OXSR1: variants seen among roughly 807,000 people sequenced by gnomAD.
The protein encoded by OXSR1 is oxidative stress responsive kinase 1.
Under a neutral mutation model 79.8 loss-of-function variants are expected in OXSR1, and 24 were observed. The ratio of observed to expected loss-of-function variants is 0.30; its 90% confidence interval spans 0.22 to 0.42. The LOEUF is 0.42. OXSR1 is among the 10% of genes least tolerant of loss of function. The pLI is 1.00. For missense variants in OXSR1, 430 were observed against 618.4 expected (o/e 0.70, Z 3.23); for synonymous variants, 226 against 209.2 (o/e 1.08, Z -0.69).
intron 5 of OXSR1, 131 bp from the exon 6 acceptor site, chr3:38,221,447 G>A (rs1042882955): frequency 1.8e-6 from 1 of 561,916 alleles, no homozygotes; most frequent in Non-Finnish European, 3.2e-6. Flanking sequence ...TAGTCAAGAA[G>A]TTCAGCAAAA....
chr3:38,181,828 A>AT (rs369042373), intron 1 of OXSR1, among the ~76,000 whole-genome samples: 7,728 of 141,376 alleles, frequency 0.055, 251 homozygotes, highest in Middle Eastern at 0.14. Flanking sequence ...ATGACATGTC[A>AT]TTTTTTTTTT....
At chr3:38,168,735 T>C (rs1465471639) in intron 1 of OXSR1, among the ~76,000 whole-genome samples, 1 of 152,252 alleles carries the variant, frequency 6.6e-6, no homozygotes, top group Admixed American at 6.5e-5. Flanking sequence ...AGATTTGTCC[T>C]TTCTGGACAT....
chr3:38,247,847 T>C (rs1703175031), intron 14 of OXSR1, 115 bp downstream of exon 14: 4 of 619,752 alleles, frequency 6.5e-6, no homozygotes, highest in Non-Finnish European at 8.6e-6. Context: ...AGCATCAAGC[T>C]CTGTTTGCTT....
intron 11 of OXSR1, among the ~76,000 whole-genome samples, chr3:38,241,777 T>C (rs1703040549): frequency 6.6e-6 from 1 of 151,886 alleles, no homozygotes; most frequent in African/African-American, 2.4e-5. Context: ...GTAGTCTGGA[T>C]GAATTCATTA....
Position 38,252,801 on chromosome 3 carries a change from T to G in OXSR1, c.1510-16T>G. The G allele has an allele frequency of 1.9e-6, 3 of 1,600,466 alleles. No homozygotes were observed. The highest frequency in any genetic ancestry group is 2.6e-6 in the Non-Finnish European group (3 of 1,167,686). ...TTTATAAATAATCACAGTTTCTCAT[T>G]TTGTTTGGTTCTTAGGCATCTGGTG... On this transcript the variant is annotated splice_polypyrimidine_tract_variant and intron_variant, in intron 17 of 17. Coordinates refer to ENST00000311806, the MANE Select transcript of OXSR1 (RefSeq NM_005109.3).
rs192852139 is a variant in OXSR1, at chr3:38,245,901, G to A, written c.1111-174G>A. ...TCACAGAGTTGTTAAAAGTTTAAAA[G>A]CCTAGAAATATTTGACTTCCGTTTG... is the stretch of plus-strand genomic sequence containing the variant. On this transcript the variant is annotated intron_variant, in intron 12 of 17. Coordinates refer to ENST00000311806, the MANE Select transcript of OXSR1 (RefSeq NM_005109.3). Among the ~76,000 whole-genome samples, 1,004 of 152,250 alleles carry A rather than the reference G, an allele frequency of 6.6e-3. 6 individuals are homozygous for A. The highest frequency in any genetic ancestry group is 0.01 in the Middle Eastern group (3 of 294).
chr3:38,180,198 C>T (rs972984674), intron 1 of OXSR1, among the ~76,000 whole-genome samples: 7 of 152,070 alleles, frequency 4.6e-5, no homozygotes, highest in South Asian at 4.1e-4. Flanking sequence ...CAGCCTCAGC[C>T]GCCTAAAGTG....
intron 2 of OXSR1, among the ~76,000 whole-genome samples, chr3:38,185,135 G>A (rs1318859726): frequency 6.6e-6 from 1 of 150,998 alleles, no homozygotes; most frequent in African/African-American, 2.4e-5. Flanking sequence ...AAAAAAAATT[G>A]AATACGACTT....
chr3:38,208,171 G>C (rs538858164), intron 4 of OXSR1, among the ~76,000 whole-genome samples: 1 of 151,824 alleles, frequency 6.6e-6, no homozygotes, highest in East Asian at 1.9e-4. Context: ...TAACAGTGCC[G>C]GAAAAATATT....
chr3:38,188,502 A>G (rs983093816), intron 2 of OXSR1, among the ~76,000 whole-genome samples: 4 of 152,212 alleles, frequency 2.6e-5, no homozygotes, highest in Admixed American at 6.5e-5. Flanking sequence ...GCTGTTTATC[A>G]TTTCTCCATC....
At chr3:38,221,234 A>C (rs895606244) in intron 5 of OXSR1, among the ~76,000 whole-genome samples, 1 of 151,640 alleles carries the variant, frequency 6.6e-6, no homozygotes, top group African/African-American at 2.4e-5. Context: ...AGATGATGAT[A>C]TGTGGGGGTG....
At chr3:38,231,318 A>T (rs1287038665) in intron 10 of OXSR1, among the ~76,000 whole-genome samples, 1 of 152,082 alleles carries the variant, frequency 6.6e-6, no homozygotes, top group Non-Finnish European at 1.5e-5. Context: ...GTTACATATC[A>T]GAATCACTTG....
At chr3:38,200,217 T>C (rs1702139354) in intron 4 of OXSR1, among the ~76,000 whole-genome samples, 1 of 152,200 alleles carries the variant, frequency 6.6e-6, no homozygotes, top group Non-Finnish European at 1.5e-5. Flanking sequence ...AGATTTCTGC[T>C]GGGCTGCCCC....
At position 38,230,418 on chromosome 3, in the gene OXSR1, A is replaced by C; in HGVS notation, c.939A>C (p.Glu313Asp). The change falls in exon 10 of 18, where the codon GAA (glutamate) becomes GAC (aspartate). Residue 313 changes from glutamate to aspartate, a missense_variant. Around this residue, in one of 3 missense-constraint regions of OXSR1, gnomAD observed 276 missense variants for 354.2 expected, o/e 0.78. Transcript: ENST00000311806. ...TGCAGAGAGCACCAACCATTTCTGA[A>C]AGAGCAAAAAAGGTAAATCAGAATT... Reference protein sequence around the residue: ...KTLQRAPTISERAKKVRRVPG... With the variant: ...KTLQRAPTISDRAKKVRRVPG... 3 of 1,598,018 alleles carry C rather than the reference A, an allele frequency of 1.9e-6. No individual in the cohort carries two copies. The South Asian group carries it at 3.3e-5, about 18-fold the overall frequency.
At chr3:38,226,389 A>G (rs1424070607) in intron 8 of OXSR1, among the ~76,000 whole-genome samples, 2 of 152,184 alleles carry the variant, frequency 1.3e-5, no homozygotes, top group Non-Finnish European at 2.9e-5. Context: ...GACTGTGACT[A>G]TGACAGAAGA....
rs1319578333 is a variant in OXSR1 at position 38,246,175 on chromosome 3, C to T, written c.1211C>T (p.Thr404Ile). Reference sequence around the variant, plus strand: ...GCTGGGCAGATTGCTACACAGCCAACTCAAGTCTCTCTCCCACCCACCGCA... The same window carrying T: ...GCTGGGCAGATTGCTACACAGCCAATTCAAGTCTCTCTCCCACCCACCGCA... ...QPAGQIATQPTQVSLPPTAEP... is the reference protein window; with the variant it reads ...QPAGQIATQPIQVSLPPTAEP... The change falls in exon 13 of 18, where the codon ACT (threonine) becomes ATT (isoleucine). Residue 404 changes from threonine (T) to isoleucine (I), a missense_variant. Around this residue, in one of 3 missense-constraint regions of OXSR1, gnomAD observed 276 missense variants for 354.2 expected, o/e 0.78. Transcript: ENST00000311806. The T allele has an allele frequency of 1.2e-6, 2 of 1,613,738 alleles. No individual in the cohort carries two copies. Among genetic ancestry groups the T allele is most frequent in the African/African-American group, 2.7e-5 (2 of 74,882 alleles).
chr3:38,239,410 A>G (rs1702983003), intron 11 of OXSR1, among the ~76,000 whole-genome samples: 1 of 152,170 alleles, frequency 6.6e-6, no homozygotes, highest in South Asian at 2.1e-4. Context: ...TTAGTTGGAA[A>G]TAGTTTAATG....
intron 3 of OXSR1, among the ~76,000 whole-genome samples, chr3:38,195,470 G>A (rs924885817): frequency 1.1e-4 from 16 of 152,130 alleles, no homozygotes; most frequent in African/African-American, 3.9e-4. Context: ...GGTCTAAAAT[G>A]GAATACTCAG....
intron 1 of OXSR1, among the ~76,000 whole-genome samples, chr3:38,176,010 G>A (rs1701670226): frequency 6.6e-6 from 1 of 152,112 alleles, no homozygotes; most frequent in South Asian, 2.1e-4. Flanking sequence ...ATCACACTTT[G>A]ACTAAACCAT....
Sources: gnomAD v4.1 joint callset for allele counts (sites outside exome capture counted in the v4.1 genomes callset) on GRCh38, gnomAD v4.1.1 for gene constraint, gnomAD v4.1.1 regional missense constraint, MANE v1.5 for transcripts, NCBI Gene and HGNC (gene_info 2026-07-23, HGNC 2026-07-21) for gene names.